PHF24: variants seen among roughly 807,000 people sequenced by gnomAD.
The protein encoded by PHF24 is Galpha inhibitory interacting protein.
In PHF24, 25 loss-of-function variants were observed where a neutral mutation model predicts 42.6. The ratio of observed to expected loss-of-function variants is 0.59; its 90% confidence interval spans 0.43 to 0.82. The LOEUF (loss-of-function observed/expected upper bound fraction) is 0.82. Ranked by LOEUF, PHF24 falls within the 40% of genes least tolerant of loss-of-function variation. The pLI, the probability that PHF24 is intolerant of heterozygous loss-of-function variation, is 0.00. For missense variants in PHF24, 470 were observed against 538.1 expected (o/e 0.87, Z 1.25); for synonymous variants, 185 against 204.8 (o/e 0.90, Z 0.83).
the PHF24 span, among the ~76,000 whole-genome samples, chr9:34,693,719 A>C: frequency 6.6e-6 from 1 of 152,132 alleles, no homozygotes; most frequent in Non-Finnish European, 1.5e-5. Flanking sequence ...AAACATCTGA[A>C]ATCTGATGAA....
At chr9:34,709,683 C>G in the PHF24 span, 8 of 1,613,838 alleles carry the variant, frequency 5.0e-6, no homozygotes, top group Non-Finnish European at 5.9e-6. Context: ...GGGCAAGAAC[C>G]TGCGGGTGGG....
At chr9:34,851,046 G>A in the PHF24 span, among the ~76,000 whole-genome samples, 7 of 152,152 alleles carry the variant, frequency 4.6e-5, no homozygotes, top group Non-Finnish European at 7.3e-5. Flanking sequence ...TCGGGGGTCA[G>A]GGGTCAGGGA....
the PHF24 span, among the ~76,000 whole-genome samples, chr9:34,852,168 C>A: frequency 1.3e-5 from 2 of 152,136 alleles, no homozygotes; most frequent in Non-Finnish European, 2.9e-5. Flanking sequence ...TTTTCTCTTC[C>A]TTATGACTTT....
At chr9:34,781,350 A>T in the PHF24 span, among the ~76,000 whole-genome samples, 1 of 152,260 alleles carries the variant, frequency 6.6e-6, no homozygotes, top group Non-Finnish European at 1.5e-5. Flanking sequence ...TCAAACAAAA[A>T]GGACAAATAT....
chr9:34,726,940 T>TGCACACAGGATTC, the PHF24 span: 2 of 1,551,520 alleles, frequency 1.3e-6, no homozygotes, highest in East Asian at 4.9e-5. Context: ...AGCAGGGATC[T>TGCACACAGGATTC]GCACACAGGA....
At chr9:34,848,639 C>T in the PHF24 span, among the ~76,000 whole-genome samples, 1 of 151,578 alleles carries the variant, frequency 6.6e-6, no homozygotes, top group African/African-American at 2.4e-5. Flanking sequence ...TTGCCTTCTG[C>T]TAGCTTTTGA....
the PHF24 span, among the ~76,000 whole-genome samples, chr9:34,906,838 A>G: frequency 6.6e-6 from 1 of 152,158 alleles, no homozygotes; most frequent in Non-Finnish European, 1.5e-5. Flanking sequence ...ATAACCAGGA[A>G]AGATCAACCA....
chr9:34,803,381 G>A, the PHF24 span, among the ~76,000 whole-genome samples: 102 of 119,922 alleles, frequency 8.5e-4, no homozygotes, highest in African/African-American at 2.7e-3. Flanking sequence ...CCATTAATTT[G>A]CTGAATTCTA....
the PHF24 span, among the ~76,000 whole-genome samples, chr9:34,880,544 A>G: frequency 1.3e-5 from 2 of 152,214 alleles, no homozygotes; most frequent in Non-Finnish European, 2.9e-5. Flanking sequence ...AAAAAAAAGC[A>G]GGGGTTGCAG....
chr9:34,723,619 T>G, the PHF24 span: 4 of 1,551,796 alleles, frequency 2.6e-6, no homozygotes, highest in Non-Finnish European at 3.5e-6. Flanking sequence ...AGCTAGACTC[T>G]GTAAGGCTGG....
the PHF24 span, chr9:34,836,114 T>C: frequency 2.1e-6 from 1 of 479,464 alleles, no homozygotes; most frequent in Admixed American, 2.4e-5. Context: ...TGGAAGAGTG[T>C]GGGCTAGCGT....
the PHF24 span, chr9:34,689,741 TG>T: frequency 6.4e-7 from 1 of 1,556,950 alleles, no homozygotes; most frequent in Non-Finnish European, 8.8e-7. The surrounding 1 kb of genome is among the most constrained non-coding windows in gnomAD (Gnocchi z 4.1). Context: ...TCCTTCCTTC[TG>T]GTCCTCGGTT....
At chr9:34,974,734 AT>A (rs1285367954) in intron 3 of PHF24, among the ~76,000 whole-genome samples, 2 of 151,934 alleles carry the variant, frequency 1.3e-5, no homozygotes, top group Admixed American at 6.6e-5. Context: ...CCAGACCTAA[AT>A]TTCCTGTCTC....
At chr9:34,824,362 T>C in the PHF24 span, among the ~76,000 whole-genome samples, 1 of 152,300 alleles carries the variant, frequency 6.6e-6, no homozygotes, top group East Asian at 1.9e-4. Context: ...ATATGACACA[T>C]ATGTGTGCAA....
chr9:34,932,212 T>C, the PHF24 span, among the ~76,000 whole-genome samples: 1 of 152,108 alleles, frequency 6.6e-6, no homozygotes, highest in East Asian at 1.9e-4. Flanking sequence ...GCTAAGGGAG[T>C]TCAGAATGCT....
At chr9:34,754,497 A>G in the PHF24 span, among the ~76,000 whole-genome samples, 2 of 152,190 alleles carry the variant, frequency 1.3e-5, no homozygotes, top group African/African-American at 2.4e-5. Flanking sequence ...GAAAATCACT[A>G]CAATGAGATA....
the PHF24 span, among the ~76,000 whole-genome samples, chr9:34,771,838 G>A: frequency 1.3e-5 from 2 of 152,172 alleles, no homozygotes; most frequent in Admixed American, 6.5e-5. Flanking sequence ...ACATTTTGTG[G>A]TGCATTTCTC....
At chr9:34,832,738 G>C in the PHF24 span, 2 of 1,548,584 alleles carry the variant, frequency 1.3e-6, no homozygotes, top group Non-Finnish European at 1.7e-6. Flanking sequence ...TGTAAAACTT[G>C]GCATTGCAAA....
At chr9:34,796,224 A>T in the PHF24 span, among the ~76,000 whole-genome samples, 15 of 146,880 alleles carry the variant, frequency 1.0e-4, no homozygotes, top group African/African-American at 3.7e-4. Flanking sequence ...ATTGAAAATT[A>T]ACTTAAAATG....
Sources: allele counts gnomAD v4.1 joint callset (sites outside exome capture counted in the v4.1 genomes callset), GRCh38; gene constraint gnomAD v4.1.1; non-coding constraint Gnocchi (gnomAD v3.1); transcripts MANE v1.5; gene names NCBI Gene and HGNC (gene_info 2026-07-23, HGNC 2026-07-21).